Variants in BCL7C observed in about 807,000 individuals in gnomAD.
The protein encoded by BCL7C is BAF chromatin remodeling complex subunit BCL7C.
Under a neutral mutation model 26.2 loss-of-function variants are expected in BCL7C, and 8 were observed. The observed-to-expected ratio is 0.30, with a 90% CI of 0.18 to 0.55. The LOEUF is 0.55. Ranked by LOEUF, BCL7C falls within the 20% of genes least tolerant of loss-of-function variation. The probability of loss-of-function intolerance (pLI) is 0.93; values close to 1 mark genes in which losing one functional copy is unlikely to be tolerated. For synonymous variants in BCL7C, 90 were observed against 116.5 expected (o/e 0.77, Z 1.47); for missense variants, 262 against 298.5 (o/e 0.88, Z 0.90).
intron 5 of BCL7C, among the ~76,000 whole-genome samples, chr16:30,876,418 G>C (rs1736398065): frequency 6.6e-6 from 1 of 152,200 alleles, no homozygotes. Context: ...TGCTACAGGA[G>C]AAATGTAACC....
chr16:30,835,795 G>T (rs1053583350), intron 5 of BCL7C, among the ~76,000 whole-genome samples: 1 of 151,834 alleles, frequency 6.6e-6, no homozygotes, highest in Non-Finnish European at 1.5e-5. Context: ...GCAGTGAGCC[G>T]AGATCGCACC....
downstream of BCL7C, among the ~76,000 whole-genome samples, chr16:30,885,176 A>G (rs559841231): frequency 5.9e-5 from 9 of 152,174 alleles, no homozygotes; most frequent in African/African-American, 1.2e-4. Flanking sequence ...AGATTATTCA[A>G]ATGGGCCCAG....
In BCL7C at chr16:30,875,461, C is replaced by CT. The variant is rs1364144563; in HGVS notation, c.528+13398dup. The CT allele has an allele frequency of 2.0e-5, 3 of 152,324 alleles. No homozygotes were observed. The East Asian group carries it at 5.8e-4, about 29-fold the overall frequency. The allele number at this position is 152,324 out of a possible 1,614,324, so 9.4% of individuals were successfully genotyped here. A position where few individuals can be genotyped will look rare whatever the true frequency, so the allele number is the denominator to read the frequency against. On this transcript the variant is annotated intron_variant, in intron 5 of 5. Transcript: ENST00000380317. ...CCCTTCCCAAGGCTGCGCCGCCGGC[C>CT]TTTGTCTCCGCGGAGCGTCACAAAG...
chr16:30,839,993 C>T (rs1463932196), intron 5 of BCL7C, among the ~76,000 whole-genome samples: 1 of 152,152 alleles, frequency 6.6e-6, no homozygotes, highest in East Asian at 1.9e-4. Context: ...GGAGAGAACA[C>T]ATTTTCCCCA....
At chr16:30,888,453 T>C (rs770972057) in intron 5 of BCL7C, among the ~76,000 whole-genome samples, 9 of 151,938 alleles carry the variant, frequency 5.9e-5, no homozygotes, top group South Asian at 2.1e-4. Flanking sequence ...TCTCCTGCCT[T>C]AGCCTCCCGA....
intron 5 of BCL7C, among the ~76,000 whole-genome samples, chr16:30,867,718 G>A (rs1387989507): frequency 1.3e-5 from 2 of 152,124 alleles, no homozygotes; most frequent in African/African-American, 2.4e-5. Flanking sequence ...GCTTGAACCC[G>A]GGAGGCGGAG....
intron 5 of BCL7C, among the ~76,000 whole-genome samples, chr16:30,849,117 G>T (rs1439803437): frequency 6.6e-6 from 1 of 151,734 alleles, no homozygotes; most frequent in Non-Finnish European, 1.5e-5. Flanking sequence ...AACCCAGGAG[G>T]CGGAGTTTTC....
chr16:30,846,409 A>G (rs891187422), intron 5 of BCL7C, among the ~76,000 whole-genome samples: 5 of 151,426 alleles, frequency 3.3e-5, no homozygotes, highest in African/African-American at 1.2e-4. Context: ...TTGTATTTTT[A>G]GTAGAGACGG....
At chr16:30,874,697 G>T (rs1322403034) in intron 5 of BCL7C, among the ~76,000 whole-genome samples, 2 of 152,166 alleles carry the variant, frequency 1.3e-5, no homozygotes, top group Non-Finnish European at 2.9e-5. Context: ...TAACTTGGTC[G>T]GGTCTCTGAA....
At chr16:30,859,339 C>T (rs1211699543) in intron 5 of BCL7C, among the ~76,000 whole-genome samples, 1 of 152,014 alleles carries the variant, frequency 6.6e-6, no homozygotes, top group African/African-American at 2.4e-5. Flanking sequence ...AATAACAGTC[C>T]CACCATGGTG....
At chr16:30,889,925 C>CAA (rs1182126462) in intron 4 of BCL7C, among the ~76,000 whole-genome samples, 10 of 53,208 alleles carry the variant, frequency 1.9e-4, no homozygotes, top group South Asian at 6.9e-4. Flanking sequence ...GACCTTGTCT[C>CAA]AAAAAAAAAA....
chr16:30,866,838 A>G (rs1195185681), intron 5 of BCL7C, among the ~76,000 whole-genome samples: 1 of 152,090 alleles, frequency 6.6e-6, no homozygotes, highest in Non-Finnish European at 1.5e-5. Context: ...AGGATTATAT[A>G]AGGCCAAGAG....
chr16:30,887,985 G>A lies in BCL7C; in HGVS notation c.534C>T (p.Pro178=), dbSNP rs1239349336. The change falls in exon 6 of 6, where the codon CCC becomes CCT. Residue 178 remains proline, a synonymous_variant. Transcript: ENST00000215115. The stretch of plus-strand genomic sequence containing the variant: ...CTGGCTCAAAGACAGGGTAAGCTTC[G>A]GGGGCCTGGAGAGGAAGGGTGGACA... ...PVPELLEAEA[P]EAYPVFEPVP... 1.3e-5 allele frequency: 21 copies of A among 1,605,384 alleles called. No homozygotes were observed. The highest frequency in any genetic ancestry group is 1.6e-5 in the Non-Finnish European group (19 of 1,176,314).
intron 5 of BCL7C, among the ~76,000 whole-genome samples, chr16:30,850,587 G>C (rs1352881242): frequency 6.6e-6 from 1 of 152,150 alleles, no homozygotes; most frequent in Admixed American, 6.6e-5. Context: ...CCTGAATACT[G>C]TAGGTGATAT....
At chr16:30,877,357 C>T (rs1168178967) in intron 5 of BCL7C, among the ~76,000 whole-genome samples, 1 of 152,206 alleles carries the variant, frequency 6.6e-6, no homozygotes, top group East Asian at 1.9e-4. Flanking sequence ...GTAGCCTCAA[C>T]TCCTAGGCTC....
intron 5 of BCL7C, among the ~76,000 whole-genome samples, chr16:30,878,031 C>T (rs911370613): frequency 2.0e-5 from 3 of 151,260 alleles, no homozygotes; most frequent in East Asian, 2.0e-4. Flanking sequence ...AAAAATTAGC[C>T]GGGTGTGGTG....
At chr16:30,835,735 A>C (rs929361990) in intron 5 of BCL7C, among the ~76,000 whole-genome samples, 2 of 151,028 alleles carry the variant, frequency 1.3e-5, no homozygotes, top group African/African-American at 4.9e-5. Flanking sequence ...AATCCCAGCT[A>C]CTCGGGAGGC....
At chr16:30,891,397 G>A (rs2055232595) in intron 4 of BCL7C, among the ~76,000 whole-genome samples, 1 of 152,044 alleles carries the variant, frequency 6.6e-6, no homozygotes, top group African/African-American at 2.4e-5. Context: ...AGGAGGTGAA[G>A]GTTGCAGTGA....
At chr16:30,859,630 C>T (rs948312026) in intron 5 of BCL7C, among the ~76,000 whole-genome samples, 2 of 149,512 alleles carry the variant, frequency 1.3e-5, no homozygotes, top group African/African-American at 2.4e-5. Flanking sequence ...ATTCTCCCCC[C>T]TCCCCACCTT....
Sources: allele counts gnomAD v4.1 joint callset (sites outside exome capture counted in the v4.1 genomes callset), GRCh38; gene constraint gnomAD v4.1.1; transcripts MANE v1.5; gene names NCBI Gene and HGNC (gene_info 2026-07-23, HGNC 2026-07-21).